INPP5A: variants seen among roughly 807,000 people sequenced by gnomAD.
INPP5A encodes the protein 43 kDa inositol polyphosphate 5-phophatase.
Under a neutral mutation model 65.2 loss-of-function variants are expected in INPP5A, and 14 were observed. The observed-to-expected ratio is 0.21, with a 90% CI of 0.14 to 0.34. INPP5A has a LOEUF of 0.34. Among genes scored for constraint, INPP5A ranks in the 10% least tolerant of loss-of-function variants. The pLI, the probability that INPP5A is intolerant of heterozygous loss-of-function variation, is 1.00. For synonymous variants in INPP5A, 207 were observed against 208.3 expected (o/e 0.99, Z 0.05); for missense variants, 431 against 545.6 (o/e 0.79, Z 2.09).
At chr10:132,584,052 C>T (rs1205017750) in intron 1 of INPP5A, among the ~76,000 whole-genome samples, 1 of 152,248 alleles carries the variant, frequency 6.6e-6, no homozygotes, top group South Asian at 2.1e-4. Flanking sequence ...CACGACACTC[C>T]AGCCTGGGCT....
At chr10:132,679,849 G>A (rs1176459171) in intron 4 of INPP5A, among the ~76,000 whole-genome samples, 1 of 152,214 alleles carries the variant, frequency 6.6e-6, no homozygotes, top group Non-Finnish European at 1.5e-5. Flanking sequence ...TCTGACAAGG[G>A]TGCAAGAGCA....
chr10:132,752,640 A>ATGGAGGGACACGGGGCG (rs1271732541), intron 11 of INPP5A, among the ~76,000 whole-genome samples: 1 of 31,834 alleles, frequency 3.1e-5, no homozygotes, highest in African/African-American at 1.2e-4. Flanking sequence ...GGGGTGTGGC[A>ATGGAGGGACACGGGGCG]TGGAGGGACA....
At chr10:132,557,922 C>A (rs1182697896) in intron 1 of INPP5A, among the ~76,000 whole-genome samples, 2 of 152,210 alleles carry the variant, frequency 1.3e-5, no homozygotes, top group Non-Finnish European at 2.9e-5. Flanking sequence ...TGTGCTCCCT[C>A]AGTCTGTCCC....
intron 9 of INPP5A, among the ~76,000 whole-genome samples, chr10:132,742,546 C>A (rs1323966525): frequency 6.6e-6 from 1 of 152,244 alleles, no homozygotes; most frequent in Non-Finnish European, 1.5e-5. Context: ...GTCCGGCGCC[C>A]AGTCAGGCTG....
intron 1 of INPP5A, among the ~76,000 whole-genome samples, chr10:132,572,379 G>C (rs1289135081): frequency 1.3e-5 from 2 of 152,224 alleles, no homozygotes; most frequent in Non-Finnish European, 2.9e-5. Flanking sequence ...GTTTTGCAGG[G>C]AGGTGCCTGA....
At chr10:132,780,019 C>G (rs1024476579) in intron 13 of INPP5A, among the ~76,000 whole-genome samples, 1 of 152,264 alleles carries the variant, frequency 6.6e-6, no homozygotes, top group Non-Finnish European at 1.5e-5. Context: ...TCCACTTCTG[C>G]GGAGGCGCCG....
At chr10:132,586,730 A>G (rs1564925210) in intron 1 of INPP5A, among the ~76,000 whole-genome samples, 1 of 152,350 alleles carries the variant, frequency 6.6e-6, no homozygotes, top group East Asian at 1.9e-4. Flanking sequence ...CTCCCGCTGA[A>G]TTTCCCCAAA....
At position 132,547,752 on chromosome 10, in the gene INPP5A, G is replaced by A. The variant is rs1275634070; in HGVS notation, c.75+9581G>A. Among the ~76,000 whole-genome samples, 6 of 152,124 alleles carry A rather than the reference G, an allele frequency of 3.9e-5. No homozygotes were observed. Among genetic ancestry groups the A allele is most frequent in the Non-Finnish European group, 4.4e-5 (3 of 68,018 alleles). ...TTTCCTCCTTCACGGGACAGCCCGC[G>A]TGCCCCCAGCCCTGTGACGCGCTCT... On this transcript the variant is annotated intron_variant, in intron 1 of 15. Coordinates refer to ENST00000368594, the MANE Select transcript of INPP5A (RefSeq NM_005539.5). The surrounding 1 kb of genome is among the most constrained non-coding windows in gnomAD (Gnocchi z 5.5).
Position 132,557,145 on chromosome 10 carries a change from C to G in INPP5A, c.75+18974C>G, listed in dbSNP as rs550235480. Reference sequence around the variant, plus strand: ...CCTAAAGGCCGACGGGCCCGGCTTTCTGGGGAGAAGGTTTTCCCTTGCAGA... The same window carrying G: ...CCTAAAGGCCGACGGGCCCGGCTTTGTGGGGAGAAGGTTTTCCCTTGCAGA... On this transcript the variant is annotated intron_variant, in intron 1 of 15. Coordinates refer to ENST00000368594, the MANE Select transcript of INPP5A (RefSeq NM_005539.5). Among the ~76,000 whole-genome samples, 97 of 152,334 alleles carry G rather than the reference C, an allele frequency of 6.4e-4. 2 individuals carry two copies. The highest frequency in any genetic ancestry group is 1.9e-3 in the Admixed American group (29 of 15,306).
chr10:132,780,250 C>A (rs1847137390), intron 13 of INPP5A, among the ~76,000 whole-genome samples: 1 of 152,242 alleles, frequency 6.6e-6, no homozygotes, highest in African/African-American at 2.4e-5. Flanking sequence ...CAAACCCCTT[C>A]CGGAGGCGCC....
rs1026842945 is a variant in INPP5A, at chr10:132,587,840, G to A, written c.76-20075G>A. Among the ~76,000 whole-genome samples, 2 of 151,608 alleles carry A rather than the reference G, an allele frequency of 1.3e-5. No individual in the cohort carries two copies. Among genetic ancestry groups the A allele is most frequent in the African/African-American group, 2.4e-5 (1 of 41,320 alleles). ...AGCCTGACCAACATGGTGAAATCCC[G>A]TCTCTACTAAAAAGACAAAAAATTA... On this transcript the variant is annotated intron_variant, in intron 1 of 15. Transcript: ENST00000368594. The surrounding 1 kb of genome is among the most constrained non-coding windows in gnomAD (Gnocchi z 4.3).
At position 132,675,189 on chromosome 10, in the gene INPP5A, C is replaced by T. The variant is rs1590915814; in HGVS notation, c.307-15203C>T. On this transcript the variant is annotated intron_variant, in intron 4 of 15. Transcript: ENST00000368594. This position sits in a 1 kb window ranked among gnomAD's most constrained non-coding sequence, Gnocchi z 4.2. Reference sequence around the variant, plus strand: ...AACCATAGAGAGCATAGGGGTGTGCCGCAGTCACACTGACAGGCCACCTTC... The same window carrying T: ...AACCATAGAGAGCATAGGGGTGTGCTGCAGTCACACTGACAGGCCACCTTC... 6.6e-6 allele frequency among the ~76,000 whole-genome samples: 1 copy of T among 152,310 alleles called. No homozygotes were observed. The highest frequency in any genetic ancestry group is 1.9e-4 in the East Asian group (1 of 5,188).
chr10:132,701,069 C>T (rs981050710), intron 6 of INPP5A, among the ~76,000 whole-genome samples: 12 of 152,302 alleles, frequency 7.9e-5, no homozygotes, highest in African/African-American at 2.4e-4. Context: ...ATGCTCTGAG[C>T]GGGCCTTCGG....
chr10:132,738,808 A>T (rs1309455151), intron 9 of INPP5A, among the ~76,000 whole-genome samples: 2 of 152,184 alleles, frequency 1.3e-5, no homozygotes, highest in Admixed American at 1.3e-4. Flanking sequence ...TGCTGACGCC[A>T]ACATCTCCCC....
Position 132,678,817 on chromosome 10 carries a change from T to A in INPP5A, c.307-11575T>A, listed in dbSNP as rs760390331. ...CCAAGCCTCTGCCCAGAGTAGCCAA[T>A]CAAGAGGGCTGCTTGGAGGAGGCTG... On this transcript the variant is annotated intron_variant, in intron 4 of 15. Coordinates refer to ENST00000368594, the MANE Select transcript of INPP5A (RefSeq NM_005539.5). The surrounding 1 kb of genome is among the most constrained non-coding windows in gnomAD (Gnocchi z 4.1). Among the ~76,000 whole-genome samples the A allele has an allele frequency of 5.3e-5, 8 of 152,156 alleles. No homozygotes were observed. In the South Asian group the frequency reaches 1.0e-3, roughly 20 times the overall value.
chr10:132,702,614 G>A lies in INPP5A; in HGVS notation c.474+4695G>A, dbSNP rs530640761. ...TCTGCTGTACCTGTCAGAATTCAGAGGCGTGCGTGCAGGGAGGTGCTGTGT... is the reference window on the plus strand; with the variant it reads ...TCTGCTGTACCTGTCAGAATTCAGAAGCGTGCGTGCAGGGAGGTGCTGTGT... On this transcript the variant is annotated intron_variant, in intron 6 of 15. Transcript: ENST00000368594. Among the ~76,000 whole-genome samples the A allele has an allele frequency of 1.1e-3, 164 of 152,342 alleles. 2 individuals carry two copies. Among genetic ancestry groups the A allele is most frequent in the African/African-American group, 3.8e-3 (160 of 41,582 alleles).
chr10:132,596,118 T>A (rs2071683804), intron 1 of INPP5A, among the ~76,000 whole-genome samples: 1 of 152,192 alleles, frequency 6.6e-6, no homozygotes, highest in Non-Finnish European at 1.5e-5. Context: ...TAAAAATAAC[T>A]ACATTAACCA....
chr10:132,713,410 C>G (rs1180874790), intron 8 of INPP5A, among the ~76,000 whole-genome samples: 3 of 152,036 alleles, frequency 2.0e-5, no homozygotes, highest in Admixed American at 1.3e-4. Flanking sequence ...TGAGTGTGGC[C>G]TGCGTGGCTC....
intron 2 of INPP5A, among the ~76,000 whole-genome samples, chr10:132,628,204 G>T (rs2072213618): frequency 1.3e-5 from 2 of 152,254 alleles, no homozygotes; most frequent in South Asian, 2.1e-4. Context: ...TACCAGCTCA[G>T]TAAGGGCCGG....
Sources: allele counts gnomAD v4.1 joint callset (sites outside exome capture counted in the v4.1 genomes callset), GRCh38; gene constraint gnomAD v4.1.1; non-coding constraint Gnocchi (gnomAD v3.1); transcripts MANE v1.5; gene names NCBI Gene and HGNC (gene_info 2026-07-23, HGNC 2026-07-21).